EIF4E2: variants seen among roughly 807,000 people sequenced by gnomAD.
EIF4E2 encodes eukaryotic translation initiation factor 4E type 2.
In EIF4E2, 13 loss-of-function variants were observed where a neutral mutation model predicts 34.2. That is an observed-to-expected ratio of 0.38 (90% CI 0.25 to 0.60). The LOEUF (loss-of-function observed/expected upper bound fraction) is 0.60, where lower values mean the gene tolerates loss of function less well. EIF4E2 is among the 20% of genes least tolerant of loss of function. The pLI is 0.62. For synonymous variants in EIF4E2, 100 were observed against 106.6 expected, an observed-to-expected ratio of 0.94 and a Z score of 0.38; for missense variants, 222 against 315.1, an observed-to-expected ratio of 0.70 and a Z score of 2.24.
At chr2:232,568,818 T>G in intron 6 of EIF4E2, 127 bp from the exon 7 acceptor site, 1 of 1,500,924 alleles carries the variant, frequency 6.7e-7, no homozygotes, top group Non-Finnish European at 8.9e-7. Context: ...GAGGTCTGCC[T>G]CTGGGACTTC....
At chr2:232,569,990 GCAAGC>G, downstream of EIF4E2, among the ~76,000 whole-genome samples, 1 of 152,206 alleles carries the variant, frequency 6.6e-6, no homozygotes, top group Non-Finnish European at 1.5e-5. Context: ...TAGAGTTTCA[GCAAGC>G]CTCATGCTAC....
At chr2:232,572,512 C>T (rs1180041990), downstream of EIF4E2, among the ~76,000 whole-genome samples, 1 of 152,060 alleles carries the variant, frequency 6.6e-6, no homozygotes, top group Non-Finnish European at 1.5e-5. Flanking sequence ...ATTACAGGTG[C>T]CCGCCACCAT....
intron 2 of EIF4E2, among the ~76,000 whole-genome samples, chr2:232,556,785 G>A (rs1449824888): frequency 6.6e-6 from 1 of 152,198 alleles, no homozygotes; most frequent in Non-Finnish European, 1.5e-5. Context: ...TAGTCCTGGA[G>A]CTTAACAAGG....
chr2:232,562,142 G>A (rs898103634), intron 3 of EIF4E2, among the ~76,000 whole-genome samples: 2 of 151,234 alleles, frequency 1.3e-5, no homozygotes, highest in Non-Finnish European at 3.0e-5. Flanking sequence ...TTGAGCCTGG[G>A]AAGTCGAGGC....
rs73101838 is a variant in EIF4E2, at chr2:232,567,278, G to A, written c.665+64G>A. The stretch of plus-strand genomic sequence containing the variant: ...CTTAGTATAAGTAGATCTGTAGTTG[G>A]GCCCAGAGGAATATGGCCGGACAGG... On this transcript the variant is annotated intron_variant, in intron 6 of 6. Transcript: ENST00000258416. 1.4e-3 allele frequency: 2,301 copies of A among 1,601,738 alleles called. 24 individuals carry two copies. The African/African-American group carries it at 0.028, about 19-fold the overall frequency.
intron 1 of EIF4E2, 121 bp downstream of exon 1, chr2:232,550,865 C>T (rs1466218206): frequency 9.7e-6 from 10 of 1,026,454 alleles, no homozygotes; most frequent in Non-Finnish European, 1.4e-5. Flanking sequence ...GATCCGGCTG[C>T]GGCCGGACCT....
rs757556080 is a variant in EIF4E2, at chr2:232,566,817, G to C, written c.376-12G>C. The C allele has an allele frequency of 2.5e-6, 4 of 1,613,880 alleles. No homozygotes were observed. Among genetic ancestry groups the C allele is most frequent in the South Asian group, 1.1e-5 (1 of 90,998 alleles). On this transcript the variant is annotated splice_polypyrimidine_tract_variant and intron_variant, in intron 4 of 6. Coordinates refer to ENST00000258416, the MANE Select transcript of EIF4E2 (RefSeq NM_004846.4). This position sits in a 1 kb window ranked among gnomAD's most constrained non-coding sequence, Gnocchi z 4.9. ...CCATATTTTAACTTCAGTGCTTTCT[G>C]TCTTTTTACAGGATGATGCAAATAA...
rs1693363019 is a variant in EIF4E2 at position 232,581,685 on chromosome 2, T to C, written c.*742T>C. ...TCTAGTTTGATTAGGAGCTAGATTA[T>C]AATCTAGGTTCCAAGTACAGAATTT... On this transcript the variant is annotated 3_prime_UTR_variant, in exon 7 of 7. Coordinates refer to the EIF4E2 transcript ENST00000409098. The surrounding 1 kb of genome is among the most constrained non-coding windows in gnomAD (Gnocchi z 5.2). 2 of 154,948 alleles carry C rather than the reference T, an allele frequency of 1.3e-5. No homozygotes were observed. The highest frequency in any genetic ancestry group is 2.0e-4 in the South Asian group (1 of 5,016). 9.6% of individuals were successfully genotyped at this position (154,948 alleles called of 1,614,324 possible). A position where few individuals can be genotyped will look rare whatever the true frequency, so the allele number is the denominator to read the frequency against.
At chr2:232,565,197 C>T (rs1221864297) in intron 4 of EIF4E2, among the ~76,000 whole-genome samples, 1 of 152,224 alleles carries the variant, frequency 6.6e-6, no homozygotes, top group Non-Finnish European at 1.5e-5. Flanking sequence ...CCTCATTTAC[C>T]TTTCAAGCCT....
At chr2:232,568,862 C>T in intron 6 of EIF4E2, 83 bp from the exon 7 acceptor site, 9 of 1,588,756 alleles carry the variant, frequency 5.7e-6, no homozygotes, top group Middle Eastern at 1.7e-4. Flanking sequence ...AAGACCAACC[C>T]TCTTTGAGAC....
intron 2 of EIF4E2, 52 bp downstream of exon 2, chr2:232,556,582 A>G: frequency 1.6e-6 from 2 of 1,246,222 alleles, no homozygotes; most frequent in Non-Finnish European, 2.3e-6. Context: ...GACTTTTATT[A>G]TCTTGTGGAA....
chr2:232,580,343 AG>A (rs577654726), intron 6 of EIF4E2, among the ~76,000 whole-genome samples: 5 of 152,206 alleles, frequency 3.3e-5, no homozygotes, highest in South Asian at 2.1e-4. Context: ...ATAAAAAGAA[AG>A]GGGGGGAGAG....
exon 7 of EIF4E2, chr2:232,582,497 T>C (rs1462649712): frequency 6.6e-6 from 1 of 152,196 alleles, no homozygotes; most frequent in African/African-American, 2.4e-5. Context: ...AGCAGTGATT[T>C]AAACTCCAGG....
At chr2:232,573,351 C>A (rs1693135047), downstream of EIF4E2, among the ~76,000 whole-genome samples, 2 of 152,156 alleles carry the variant, frequency 1.3e-5, no homozygotes, top group African/African-American at 4.8e-5. Context: ...TGAGGAACTT[C>A]AGACTTAGAA....
chr2:232,581,095 G>T lies in EIF4E2; in HGVS notation c.*152G>T, dbSNP rs920933045. ...CACTCATTCCTGGAGGACGGATTCCGCTAGACACCCTCCAGCATCGCTGAC... is the reference window on the plus strand; with the variant it reads ...CACTCATTCCTGGAGGACGGATTCCTCTAGACACCCTCCAGCATCGCTGAC... On this transcript the variant is annotated 3_prime_UTR_variant, in exon 7 of 7. Coordinates refer to the EIF4E2 transcript ENST00000409098. The surrounding 1 kb of genome is among the most constrained non-coding windows in gnomAD (Gnocchi z 5.2). 8 of 783,372 alleles carry T rather than the reference G, an allele frequency of 1.0e-5. No homozygotes were observed. The highest frequency in any genetic ancestry group is 2.2e-4 in the Middle Eastern group (1 of 4,502). The allele number at this position is 783,372 out of a possible 1,614,324, so 48.5% of individuals were successfully genotyped here. A position where few individuals can be genotyped will look rare whatever the true frequency, so the allele number is the denominator to read the frequency against.
Position 232,555,102 on chromosome 2 carries a change from A to G in EIF4E2, c.21-1314A>G, listed in dbSNP as rs549525805. 3.9e-5 allele frequency among the ~76,000 whole-genome samples: 6 copies of G among 152,252 alleles called. No homozygotes were observed. The South Asian group carries it at 1.0e-3, about 26-fold the overall frequency. On this transcript the variant is annotated intron_variant, in intron 1 of 6. Transcript: ENST00000258416. ...GACTAGCTCATTCATTCTAATATTT[A>G]TTGGATACTTTTAATGTACTAGGCA...
chr2:232,558,185 A>G (rs1280522358), intron 3 of EIF4E2, 167 bp downstream of exon 3: 12 of 781,808 alleles, frequency 1.5e-5, no homozygotes, highest in Middle Eastern at 7.2e-4. Context: ...TTCTCACTAG[A>G]TATCCATGGT....
chr2:232,551,912 C>T (rs986803244), intron 1 of EIF4E2, among the ~76,000 whole-genome samples: 1 of 151,976 alleles, frequency 6.6e-6, no homozygotes, highest in Non-Finnish European at 1.5e-5. Context: ...AGTCTTTGCC[C>T]GACCTCTTCT....
At chr2:232,570,763 C>T (rs1275306460), downstream of EIF4E2, among the ~76,000 whole-genome samples, 1 of 152,128 alleles carries the variant, frequency 6.6e-6, no homozygotes, top group Admixed American at 6.6e-5. Context: ...ATGGTGAAAC[C>T]CCATCTCTAC....
Sources: allele counts gnomAD v4.1 joint callset (sites outside exome capture counted in the v4.1 genomes callset), GRCh38; gene constraint gnomAD v4.1.1; non-coding constraint Gnocchi (gnomAD v3.1); transcripts MANE v1.5; gene names NCBI Gene and HGNC (gene_info 2026-07-23, HGNC 2026-07-21).